EDF1: variants seen among roughly 807,000 people sequenced by gnomAD.
EDF1 encodes the protein endothelial differentiation-related factor 1.
EDF1 carries 5 observed loss-of-function variants against 20.8 expected under a neutral mutation model. The observed-to-expected ratio is 0.24, with a 90% CI of 0.13 to 0.51. The LOEUF is 0.51. Ranked by LOEUF, EDF1 falls within the 20% of genes least tolerant of loss-of-function variation. The pLI is 0.97. For synonymous variants in EDF1, 96 were observed against 78.5 expected (o/e 1.22, Z -1.18); for missense variants, 137 against 197.8 (o/e 0.69, Z 1.84).
chr9:136,862,483 C>T lies in EDF1; in HGVS notation c.386-138G>A. 1 of 1,612,656 alleles carries T rather than the reference C, an allele frequency of 6.2e-7. No homozygotes were observed. Among genetic ancestry groups the T allele is most frequent in the South Asian group, 1.1e-5 (1 of 91,076 alleles). On this transcript the variant is annotated intron_variant, in intron 4 of 4. Coordinates refer to ENST00000224073, the MANE Select transcript of EDF1 (RefSeq NM_003792.4). The surrounding 1 kb of genome is among the most constrained non-coding windows in gnomAD (Gnocchi z 4.1). ...ACTGGGCTCTCAGCACACGAGCACTCCTGGTTCCCACATCTAATTTTGAAG... is the reference window on the plus strand; with the variant it reads ...ACTGGGCTCTCAGCACACGAGCACTTCTGGTTCCCACATCTAATTTTGAAG...
intron 1 of EDF1, among the ~76,000 whole-genome samples, chr9:136,865,553 T>C (rs766136094): frequency 4.6e-5 from 7 of 150,872 alleles, no homozygotes; most frequent in African/African-American, 1.5e-4. Flanking sequence ...TGCTGTCCAA[T>C]GGCCCCCAGC....
At chr9:136,864,104 C>T (rs573278744) in intron 1 of EDF1, among the ~76,000 whole-genome samples, 34 of 152,112 alleles carry the variant, frequency 2.2e-4, no homozygotes, top group African/African-American at 7.5e-4. Flanking sequence ...GCCACGAGTT[C>T]GAGACCAGCC....
In EDF1 at chr9:136,863,740, G is replaced by A. The variant is rs927833353; in HGVS notation, c.130+80C>T. 52 of 1,545,460 alleles carry A rather than the reference G, an allele frequency of 3.4e-5. No individual in the cohort carries two copies. The highest frequency in any genetic ancestry group is 4.2e-5 in the Non-Finnish European group (47 of 1,122,304). On this transcript the variant is annotated intron_variant, in intron 2 of 4. Transcript: ENST00000224073. The surrounding 1 kb of genome is among the most constrained non-coding windows in gnomAD (Gnocchi z 4.5). ...GCACTCAGCTGACAACGTCCCCGGG[G>A]GCGCCGCACACACCACACCCACCAG...
chr9:136,863,324 C>A lies in EDF1; in HGVS notation c.255G>T (p.Arg85=). 5 of 1,613,904 alleles carry A rather than the reference C, an allele frequency of 3.1e-6. No homozygotes were observed. Among genetic ancestry groups the A allele is most frequent in the Non-Finnish European group, 4.2e-6 (5 of 1,180,006 alleles). ...CCTTCTGCGTAAGCCCCTTGCTCTG[C>A]CGACCTTGCTGGATCACCTTGCCCA... ...LEVGKVIQQG[R]QSKGLTQKDL... Residue 85 remains arginine (R), a synonymous_variant, in exon 3 of 5, where the codon CGG becomes CGT. Coordinates refer to ENST00000224073, the MANE Select transcript of EDF1 (RefSeq NM_003792.4). This position sits in a 1 kb window ranked among gnomAD's most constrained non-coding sequence, Gnocchi z 4.5.
chr9:136,862,444 C>G lies in EDF1; in HGVS notation c.386-99G>C. The G allele has an allele frequency of 1.2e-6, 2 of 1,613,584 alleles. No individual in the cohort carries two copies. Among genetic ancestry groups the G allele is most frequent in the Non-Finnish European group, 1.7e-6 (2 of 1,179,926 alleles). On this transcript the variant is annotated intron_variant, in intron 4 of 4. Transcript: ENST00000224073. This position sits in a 1 kb window ranked among gnomAD's most constrained non-coding sequence, Gnocchi z 4.1. ...TCTTCCCAGGGAAGGGGGGCCACGC[C>G]GCTCCCGTGCCTCACTGGGCTCTCA... is the stretch of plus-strand genomic sequence containing the variant.
At chr9:136,865,529 C>A (rs1849198639) in intron 1 of EDF1, among the ~76,000 whole-genome samples, 2 of 152,046 alleles carry the variant, frequency 1.3e-5, no homozygotes, top group South Asian at 4.1e-4. Flanking sequence ...AGTCTCCCGC[C>A]CCAGGCCCTC....
intron 1 of EDF1, 88 bp downstream of exon 1, chr9:136,866,093 C>A: frequency 7.3e-7 from 1 of 1,379,184 alleles, no homozygotes; most frequent in South Asian, 1.3e-5. Flanking sequence ...CCCCGCCTGC[C>A]CTTCCCCGAG....
In EDF1 at chr9:136,863,899, C is replaced by G; in HGVS notation, c.79-28G>C. On this transcript the variant is annotated intron_variant, in intron 1 of 4. Coordinates refer to ENST00000224073, the MANE Select transcript of EDF1 (RefSeq NM_003792.4). The surrounding 1 kb of genome is among the most constrained non-coding windows in gnomAD (Gnocchi z 4.5). ...AGAAAATTAGAAAACATCAGTGGAT[C>G]AAAATTAGCTTTGACAGTATCCAGC... 6.2e-7 allele frequency: 1 copy of G among 1,612,958 alleles called. No homozygotes were observed. Among genetic ancestry groups the G allele is most frequent in the Non-Finnish European group, 8.5e-7 (1 of 1,179,614 alleles).
Position 136,862,755 on chromosome 9 carries a change from G to C in EDF1, c.385+151C>G. 2 of 1,585,580 alleles carry C rather than the reference G, an allele frequency of 1.3e-6. No homozygotes were observed. Among genetic ancestry groups the C allele is most frequent in the South Asian group, 2.3e-5 (2 of 86,940 alleles). On this transcript the variant is annotated intron_variant, in intron 4 of 4. Coordinates refer to ENST00000224073, the MANE Select transcript of EDF1 (RefSeq NM_003792.4). This position sits in a 1 kb window ranked among gnomAD's most constrained non-coding sequence, Gnocchi z 4.1. ...CAGAGACCCCACCATCCCTCAGTCT[G>C]TACTACCTGGAGAAGCAAAGCTCCA...
At chr9:136,865,468 AC>A (rs1849197413) in intron 1 of EDF1, among the ~76,000 whole-genome samples, 2 of 151,352 alleles carry the variant, frequency 1.3e-5, no homozygotes, top group Non-Finnish European at 3.0e-5. Context: ...GGAGGAGCCT[AC>A]CCCCTGTCCC....
rs572078212 is a variant in EDF1 at position 136,862,626 on chromosome 9, T to A, written c.385+280A>T. 5.3e-6 allele frequency: 8 copies of A among 1,516,424 alleles called. No individual in the cohort carries two copies. The highest frequency in any genetic ancestry group is 7.0e-6 in the Non-Finnish European group (8 of 1,138,002). The allele number at this position is 1,516,424 out of a possible 1,614,324, so 93.9% of individuals were successfully genotyped here. On this transcript the variant is annotated intron_variant, in intron 4 of 4. Coordinates refer to ENST00000224073, the MANE Select transcript of EDF1 (RefSeq NM_003792.4). The surrounding 1 kb of genome is among the most constrained non-coding windows in gnomAD (Gnocchi z 4.1). ...CCATGCTGACAGGGCCCGGACCCGC[T>A]GTGCTCAGGCTCAGAGAACCATCGC... is the stretch of plus-strand genomic sequence containing the variant.
At chr9:136,865,452 T>C (rs912521870) in intron 1 of EDF1, among the ~76,000 whole-genome samples, 1 of 151,732 alleles carries the variant, frequency 6.6e-6, no homozygotes, top group South Asian at 2.1e-4. Flanking sequence ...GAGAGAAAAC[T>C]CTCAGGGAGG....
chr9:136,862,356 C>T lies in EDF1; in HGVS notation c.386-11G>A. 6.2e-7 allele frequency: 1 copy of T among 1,614,018 alleles called. No homozygotes were observed. Among genetic ancestry groups the T allele is most frequent in the Non-Finnish European group, 8.5e-7 (1 of 1,180,004 alleles). ...CCCGGAGCTTGAGGCCTGAAATGAG[C>T]CACAGCCACTGGCCACTGCAGCACC... On this transcript the variant is annotated splice_polypyrimidine_tract_variant and intron_variant, in intron 4 of 4. Transcript: ENST00000224073. This position sits in a 1 kb window ranked among gnomAD's most constrained non-coding sequence, Gnocchi z 4.1.
chr9:136,864,668 G>A (rs530082993), intron 1 of EDF1, among the ~76,000 whole-genome samples: 22 of 152,036 alleles, frequency 1.4e-4, no homozygotes, highest in Non-Finnish European at 5.9e-5. Flanking sequence ...CTGTTGCCCA[G>A]GCTGGAATGC....
chr9:136,864,359 C>T (rs1275478018), intron 1 of EDF1, among the ~76,000 whole-genome samples: 1 of 151,432 alleles, frequency 6.6e-6, no homozygotes, highest in Non-Finnish European at 1.5e-5. Context: ...CCTCTGGCCT[C>T]AGCCTCCCTC....
chr9:136,863,445 G>C lies in EDF1; in HGVS notation c.134C>G (p.Ala45Gly). 6.2e-7 allele frequency: 1 copy of C among 1,612,062 alleles called. No individual in the cohort carries two copies. Among genetic ancestry groups the C allele is most frequent in the Non-Finnish European group, 8.5e-7 (1 of 1,178,492 alleles). Residue 45 changes from alanine (A) to glycine (G), a missense_variant, in exon 3 of 5, where the codon GCT becomes GGT. Transcript: ENST00000224073. The surrounding 1 kb of genome is among the most constrained non-coding windows in gnomAD (Gnocchi z 4.5). Reference sequence around the variant, plus strand: ...AGAATGTTGTTTGTTCTGGCCAGCAGCCCCTGGAGTCGGTGTGAGGCAAAA... The same window carrying C: ...AGAATGTTGTTTGTTCTGGCCAGCACCCCCTGGAGTCGGTGTGAGGCAAAA... ...GEDVETSKKW[A>G]AGQNKQHSIT... is the part of the protein sequence containing the mutation.
chr9:136,862,341 G>A lies in EDF1; in HGVS notation c.390C>T (p.Leu130=). ...TTCCAATGTCCTTTCCCCGGAGCTT[G>A]AGGCCTGAAATGAGCCACAGCCACT... ...VLGKIERAIG[L]KLRGKDIGKP... Residue 130 remains leucine (L), a synonymous_variant, in exon 5 of 5, where the codon CTC becomes CTT. Transcript: ENST00000224073. This position sits in a 1 kb window ranked among gnomAD's most constrained non-coding sequence, Gnocchi z 4.1. The A allele has an allele frequency of 3.1e-6, 5 of 1,614,050 alleles. No homozygotes were observed. The highest frequency in any genetic ancestry group is 4.2e-6 in the Non-Finnish European group (5 of 1,179,996).
intron 1 of EDF1, among the ~76,000 whole-genome samples, chr9:136,865,411 G>C (rs1849195961): frequency 6.6e-6 from 1 of 151,966 alleles, no homozygotes; most frequent in Non-Finnish European, 1.5e-5. Context: ...CTGACCAGCG[G>C]AGACCAGTAG....
At position 136,862,331 on chromosome 9, in the gene EDF1, C is replaced by T. The variant is rs1383661612; in HGVS notation, c.400G>A (p.Gly134Arg). The T allele has an allele frequency of 3.1e-6, 5 of 1,614,026 alleles. No homozygotes were observed. In the South Asian group the frequency reaches 3.3e-5, roughly 11 times the overall value. ...TCGATGGGCTTTCCAATGTCCTTTCCCCGGAGCTTGAGGCCTGAAATGAGC... is the reference window on the plus strand; with the variant it reads ...TCGATGGGCTTTCCAATGTCCTTTCTCCGGAGCTTGAGGCCTGAAATGAGC... The part of the protein sequence containing the change: ...IERAIGLKLR[G>R]KDIGKPIEKG... The change falls in exon 5 of 5, where the codon GGA becomes AGA. Residue 134 changes from glycine to arginine, a missense_variant. Coordinates refer to ENST00000224073, the MANE Select transcript of EDF1 (RefSeq NM_003792.4). The surrounding 1 kb of genome is among the most constrained non-coding windows in gnomAD (Gnocchi z 4.1).
Sources: allele counts gnomAD v4.1 joint callset (sites outside exome capture counted in the v4.1 genomes callset), GRCh38; gene constraint gnomAD v4.1.1; non-coding constraint Gnocchi (gnomAD v3.1); transcripts MANE v1.5; gene names NCBI Gene and HGNC (gene_info 2026-07-23, HGNC 2026-07-21).